The following CDC42BPA variants were observed in gnomAD, a reference collection of about 807,000 sequenced individuals.
The protein encoded by CDC42BPA is serine/threonine-protein kinase MRCK alpha.
In CDC42BPA, 80 loss-of-function variants were observed where a neutral mutation model predicts 223.5. That is an observed-to-expected ratio of 0.36 (90% CI 0.30 to 0.43). The LOEUF is 0.43. Among genes scored for constraint, CDC42BPA ranks in the 20% least tolerant of loss-of-function variants. The probability of loss-of-function intolerance (pLI) is 1.00; values close to 1 mark genes in which losing one functional copy is unlikely to be tolerated. For synonymous variants in CDC42BPA, 694 were observed against 718.6 expected, an observed-to-expected ratio of 0.97 and a Z score of 0.55; for missense variants, 1,743 against 2,099.9, an observed-to-expected ratio of 0.83 and a Z score of 3.32.
intron 12 of CDC42BPA, among the ~76,000 whole-genome samples, chr1:227,113,719 T>C (rs796148256): frequency 2.6e-5 from 4 of 151,750 alleles, no homozygotes; most frequent in African/African-American, 9.7e-5. Context: ...CATTTAGAAA[T>C]AGAAAACATA....
In CDC42BPA at chr1:227,031,658, A is replaced by T. The variant is rs554725696; in HGVS notation, c.3559-144T>A. ...CATTACTGGAGTTCAGCTATTCCTA[A>T]TCAGAATAACTACCTTTAGCACTAG... On this transcript the variant is annotated intron_variant, in intron 27 of 36. Transcript: ENST00000366766. The T allele has an allele frequency of 1.6e-4, 107 of 654,492 alleles. No individual in the cohort carries two copies. The South Asian group carries it at 2.0e-3, about 12-fold the overall frequency. The allele number at this position is 654,492 out of a possible 1,614,324, so 40.5% of individuals were successfully genotyped here. A position where few individuals can be genotyped will look rare whatever the true frequency, so the allele number is the denominator to read the frequency against.
intron 6 of CDC42BPA, among the ~76,000 whole-genome samples, chr1:227,153,511 G>A (rs1002205238): frequency 9.9e-5 from 15 of 151,802 alleles, no homozygotes; most frequent in African/African-American, 2.7e-4. Flanking sequence ...CAAAACTTAC[G>A]AAGGAAAAGA....
Position 226,994,810 on chromosome 1 carries a change from C to T in CDC42BPA, c.5133+13G>A, listed in dbSNP as rs767520723. On this transcript the variant is annotated intron_variant, in intron 36 of 36. Transcript: ENST00000366766. This position sits in a 1 kb window ranked among gnomAD's most constrained non-coding sequence, Gnocchi z 4.0. ...TTCTGATACATGACGTCTCCGGAAC[C>T]CTGCCCACTCACCTCTCCGTCAAAG... The T allele has an allele frequency of 3.7e-6, 6 of 1,602,984 alleles. No homozygotes were observed. In the East Asian group the frequency reaches 1.3e-4, roughly 36 times the overall value.
chr1:227,164,608 G>T (rs1356385027), intron 5 of CDC42BPA, among the ~76,000 whole-genome samples: 2 of 152,162 alleles, frequency 1.3e-5, no homozygotes, highest in African/African-American at 4.8e-5. Flanking sequence ...CAAAGCTGTT[G>T]TGAGCCATGA....
At chr1:227,230,849 T>C (rs1677783434) in intron 2 of CDC42BPA, among the ~76,000 whole-genome samples, 1 of 131,502 alleles carries the variant, frequency 7.6e-6, no homozygotes, top group Non-Finnish European at 1.6e-5. Context: ...TGAGACAGAG[T>C]CTTGCTCTGT....
At chr1:227,246,671 T>C (rs932711084) in intron 2 of CDC42BPA, among the ~76,000 whole-genome samples, 5 of 151,844 alleles carry the variant, frequency 3.3e-5, no homozygotes, top group Admixed American at 2.0e-4. Flanking sequence ...TTATTGGCCT[T>C]TGAACCCAAG....
intron 1 of CDC42BPA, among the ~76,000 whole-genome samples, chr1:227,294,189 A>G (rs192987991): frequency 1.1e-3 from 161 of 150,700 alleles, no homozygotes; most frequent in African/African-American, 3.7e-3. Context: ...GGAGAATGGC[A>G]TGAACCCGGG....
Position 227,031,301 on chromosome 1 carries a change from T to C in CDC42BPA, c.3772A>G (p.Ile1258Val), listed in dbSNP as rs754315131. 26 of 1,608,970 alleles carry C rather than the reference T, an allele frequency of 1.6e-5. No individual in the cohort carries two copies. In the African/African-American group the frequency reaches 2.8e-4, roughly 17 times the overall value. ...LIKTTQAAAI[I>V]DHERIALGNE... ...GATAAATGTTATAAATTCATACCTA[T>C]GATTGCGGCTGCCTGGGTTGTTTTA... Residue 1258 changes from isoleucine (I) to valine (V), a missense_variant, in exon 28 of 37, where the codon ATA (isoleucine) becomes GTA (valine). Physicochemically the swap from Ile to Val is conservative, Grantham distance 29. Around this residue, in one of 6 missense-constraint regions of CDC42BPA, gnomAD observed 678 missense variants for 777.5 expected, o/e 0.87. Coordinates refer to ENST00000366766, the MANE Select transcript of CDC42BPA (RefSeq NM_001394014.1).
chr1:227,072,153 A>G, intron 20 of CDC42BPA, 55 bp downstream of exon 20: 1 of 951,632 alleles, frequency 1.1e-6, no homozygotes. Context: ...CTGTAATAAA[A>G]TATATTTATA....
At chr1:227,115,397 T>C (rs1687613325) in intron 12 of CDC42BPA, among the ~76,000 whole-genome samples, 1 of 152,024 alleles carries the variant, frequency 6.6e-6, no homozygotes, top group African/African-American at 2.4e-5. Flanking sequence ...TTGTGCCTTC[T>C]ATAAGAGAGT....
At chr1:227,036,619 C>T (rs927222047) in intron 24 of CDC42BPA, among the ~76,000 whole-genome samples, 6 of 151,932 alleles carry the variant, frequency 3.9e-5, no homozygotes, top group African/African-American at 9.7e-5. Context: ...TTAGTAGAGA[C>T]GGGGTTTCAC....
chr1:227,231,090 C>T, intron 2 of CDC42BPA, among the ~76,000 whole-genome samples: 1 of 150,824 alleles, frequency 6.6e-6, no homozygotes, highest in East Asian at 1.9e-4. Flanking sequence ...CACCCGTTAA[C>T]TCGTCATTTA....
intron 1 of CDC42BPA, among the ~76,000 whole-genome samples, chr1:227,279,981 C>T (rs1004029636): frequency 6.6e-6 from 1 of 151,982 alleles, no homozygotes; most frequent in Non-Finnish European, 1.5e-5. Flanking sequence ...TAACTTGAAC[C>T]TGGGAGGTGG....
intron 5 of CDC42BPA, among the ~76,000 whole-genome samples, chr1:227,190,836 A>G (rs571207343): frequency 6.6e-6 from 1 of 152,282 alleles, no homozygotes; most frequent in South Asian, 2.1e-4. Flanking sequence ...AAAGTAGAGA[A>G]AAGGAGGGAG....
chr1:227,145,167 C>A (rs1224522869), intron 8 of CDC42BPA, among the ~76,000 whole-genome samples: 1 of 152,074 alleles, frequency 6.6e-6, no homozygotes, highest in Non-Finnish European at 1.5e-5. Context: ...AGAAATTTGC[C>A]AACCTCTGCA....
chr1:227,199,768 T>C, intron 3 of CDC42BPA, 116 bp from the exon 4 acceptor site: 2 of 509,188 alleles, frequency 3.9e-6, no homozygotes, highest in Non-Finnish European at 3.4e-6. Context: ...CACCTGATAT[T>C]ATAAGACATT....
intron 30 of CDC42BPA, among the ~76,000 whole-genome samples, chr1:227,027,256 GA>G (rs1412425789): frequency 1.3e-5 from 2 of 152,176 alleles, no homozygotes; most frequent in African/African-American, 4.8e-5. Flanking sequence ...TGGATGGGTA[GA>G]ACTAGAGGTA....
chr1:227,262,595 T>C (rs1204252164), intron 1 of CDC42BPA, among the ~76,000 whole-genome samples: 4 of 152,156 alleles, frequency 2.6e-5, no homozygotes, highest in African/African-American at 9.7e-5. Flanking sequence ...ATTCTGGCCC[T>C]TATTAAGTAT....
At chr1:227,179,659 A>AAAAAAAG (rs1216438998) in intron 5 of CDC42BPA, among the ~76,000 whole-genome samples, 6 of 146,974 alleles carry the variant, frequency 4.1e-5, no homozygotes, top group African/African-American at 1.6e-4. Flanking sequence ...AAAAAAAAAA[A>AAAAAAAG]AGCTATTTTA....
Sources: allele counts gnomAD v4.1 joint callset (sites outside exome capture counted in the v4.1 genomes callset), GRCh38; gene constraint gnomAD v4.1.1; regional missense constraint gnomAD v4.1.1; non-coding constraint Gnocchi (gnomAD v3.1); transcripts MANE v1.5; gene names NCBI Gene and HGNC (gene_info 2026-07-23, HGNC 2026-07-21).